PLCL1: variants seen among roughly 807,000 people sequenced by gnomAD.
The protein encoded by PLCL1 is inactive phospholipase C-like protein 1.
PLCL1 carries 41 observed loss-of-function variants against 84.4 expected under a neutral mutation model. That is an observed-to-expected ratio of 0.49 (90% CI 0.38 to 0.63). PLCL1 has a LOEUF of 0.63. PLCL1 is among the 30% of genes least tolerant of loss of function. The pLI, the probability that PLCL1 is intolerant of heterozygous loss-of-function variation, is 0.00. For missense variants in PLCL1, 1,206 were observed against 1,367.8 expected (o/e 0.88, Z 1.87); for synonymous variants, 490 against 488.3 (o/e 1.00, Z -0.05).
chr2:198,145,636 A>G (rs1368921232), intron 5 of PLCL1, among the ~76,000 whole-genome samples: 10 of 152,224 alleles, frequency 6.6e-5, no homozygotes, highest in Non-Finnish European at 1.0e-4. Flanking sequence ...ATCATCCCAT[A>G]TAATTAAAAG....
intron 5 of PLCL1, among the ~76,000 whole-genome samples, chr2:198,139,536 T>A (rs555102360): frequency 6.6e-6 from 1 of 152,328 alleles, no homozygotes; most frequent in African/African-American, 2.4e-5. Context: ...TGGCAATACA[T>A]GTTATTTTAT....
chr2:197,996,141 A>C (rs1690461009), intron 1 of PLCL1, among the ~76,000 whole-genome samples: 1 of 152,034 alleles, frequency 6.6e-6, no homozygotes, highest in Non-Finnish European at 1.5e-5. Flanking sequence ...GAGGGAGAAG[A>C]AAGATGGAAG....
At chr2:197,897,165 CTTCTTCTTCTTCTTCTTCTTCTT>C (rs1559038564) in intron 1 of PLCL1, among the ~76,000 whole-genome samples, 16 of 31,394 alleles carry the variant, frequency 5.1e-4, no homozygotes, top group African/African-American at 3.7e-3. Context: ...TCTTCTTCTT[CTTCTTCTTCTTCTTCTTCTTCTT>C]CTCCTTCTCC....
At chr2:197,849,723 C>A (rs1687190039) in intron 1 of PLCL1, among the ~76,000 whole-genome samples, 1 of 151,908 alleles carries the variant, frequency 6.6e-6, no homozygotes, top group African/African-American at 2.4e-5. Context: ...GAGGAAGAAG[C>A]TCCTCATAGA....
intron 1 of PLCL1, among the ~76,000 whole-genome samples, chr2:197,983,603 AGTT>A: frequency 6.6e-6 from 1 of 152,266 alleles, no homozygotes; most frequent in Admixed American, 6.5e-5. Context: ...AATTTATGTT[AGTT>A]GTTGTTGTTG....
At chr2:198,040,513 A>G (rs1411457511) in intron 1 of PLCL1, among the ~76,000 whole-genome samples, 1 of 152,152 alleles carries the variant, frequency 6.6e-6, no homozygotes, top group East Asian at 1.9e-4. Flanking sequence ...GCTGTCAGCA[A>G]TGGTGCAGTG....
chr2:198,086,375 C>T (rs1303063314), intron 2 of PLCL1, 143 bp downstream of exon 2: 1 of 633,856 alleles, frequency 1.6e-6, no homozygotes, highest in Non-Finnish European at 2.7e-6. Context: ...AATCCCAGCA[C>T]TTTGGGAGGC....
intron 1 of PLCL1, among the ~76,000 whole-genome samples, chr2:197,855,673 C>G (rs1272042782): frequency 6.6e-6 from 1 of 152,050 alleles, no homozygotes; most frequent in African/African-American, 2.4e-5. Context: ...AACTTTACTC[C>G]TTGCCTAATG....
chr2:197,859,774 A>G lies in PLCL1; in HGVS notation c.240+54435A>G, dbSNP rs184550163. Among the ~76,000 whole-genome samples, 10 of 152,308 alleles carry G rather than the reference A, an allele frequency of 6.6e-5. No individual in the cohort carries two copies. In the East Asian group the frequency reaches 1.9e-3, roughly 29 times the overall value. ...GCCTAGAAGCAATAGGCCTGGGTGT[A>G]TAGTCAGCTATACCACCTAGTTTTG... On this transcript the variant is annotated intron_variant, in intron 1 of 5. Coordinates refer to ENST00000428675, the MANE Select transcript of PLCL1 (RefSeq NM_006226.4).
intron 1 of PLCL1, among the ~76,000 whole-genome samples, chr2:197,866,516 A>C (rs1395770334): frequency 1.3e-5 from 2 of 151,962 alleles, no homozygotes; most frequent in Non-Finnish European, 2.9e-5. Context: ...TCTCTTGTGA[A>C]CTTTCTACTG....
At chr2:197,984,922 C>T (rs1429501179) in intron 1 of PLCL1, among the ~76,000 whole-genome samples, 1 of 151,456 alleles carries the variant, frequency 6.6e-6, no homozygotes, top group African/African-American at 2.4e-5. Flanking sequence ...TTTTAAAAAT[C>T]CTCACTTTCA....
At chr2:198,036,597 G>A (rs1318737481) in intron 1 of PLCL1, among the ~76,000 whole-genome samples, 2 of 152,134 alleles carry the variant, frequency 1.3e-5, no homozygotes, top group African/African-American at 4.8e-5. Flanking sequence ...TTCATCTTCT[G>A]CCTTGAAGAC....
At chr2:198,071,008 A>G (rs1193391096) in intron 1 of PLCL1, 2 of 908,944 alleles carry the variant, frequency 2.2e-6, no homozygotes, top group Non-Finnish European at 2.6e-6. Flanking sequence ...ATTGGAATAT[A>G]TTCTTCCAGA....
At chr2:197,836,446 CAAAAAAAAAAAA>C (rs35510400) in intron 1 of PLCL1, among the ~76,000 whole-genome samples, 3 of 34,534 alleles carry the variant, frequency 8.7e-5, no homozygotes, top group African/African-American at 2.1e-4. Flanking sequence ...GACTCCGTCT[CAAAAAAAAAAAA>C]AAAAAAAAAA....
chr2:197,857,850 G>A (rs1485298152), intron 1 of PLCL1, among the ~76,000 whole-genome samples: 1 of 152,030 alleles, frequency 6.6e-6, no homozygotes, highest in Non-Finnish European at 1.5e-5. Context: ...CAATGTTTCT[G>A]GAATTATATA....
intron 1 of PLCL1, among the ~76,000 whole-genome samples, chr2:197,868,200 T>C (rs1038585166): frequency 6.6e-6 from 1 of 152,222 alleles, no homozygotes; most frequent in African/African-American, 2.4e-5. Context: ...TGAATATTAC[T>C]TCTAGCTAAA....
intron 1 of PLCL1, among the ~76,000 whole-genome samples, chr2:198,050,475 TG>T (rs1691901188): frequency 6.6e-6 from 1 of 152,072 alleles, no homozygotes; most frequent in South Asian, 2.1e-4. Flanking sequence ...ATCATCTATT[TG>T]AGTAAATAAA....
At chr2:198,123,217 A>C (rs1693911285) in intron 5 of PLCL1, among the ~76,000 whole-genome samples, 1 of 152,112 alleles carries the variant, frequency 6.6e-6, no homozygotes, top group African/African-American at 2.4e-5. Context: ...TAGGCAAACT[A>C]TCCCTCAATT....
At chr2:198,125,552 A>G (rs932476705) in intron 5 of PLCL1, among the ~76,000 whole-genome samples, 4 of 152,162 alleles carry the variant, frequency 2.6e-5, no homozygotes, top group Non-Finnish European at 4.4e-5. Flanking sequence ...TTTCAAGTAC[A>G]AGAGAAAAAA....
Sources: allele counts gnomAD v4.1 joint callset (sites outside exome capture counted in the v4.1 genomes callset), GRCh38; gene constraint gnomAD v4.1.1; transcripts MANE v1.5; gene names NCBI Gene and HGNC (gene_info 2026-07-23, HGNC 2026-07-21).